Variants in BTN2A1 observed in about 807,000 individuals in gnomAD.
BTN2A1 encodes the protein butyrophilin subfamily 2 member A1.
BTN2A1 carries 41 observed loss-of-function variants against 34.5 expected under a neutral mutation model. That is an observed-to-expected ratio of 1.19 (90% CI 0.93 to 1.54). The LOEUF (loss-of-function observed/expected upper bound fraction) is 1.54. BTN2A1 is among the 40% of genes most tolerant of loss of function. BTN2A1 has a pLI of 0.00. For synonymous variants in BTN2A1, 267 were observed against 258.6 expected, an observed-to-expected ratio of 1.03 and a Z score of -0.31; for missense variants, 642 against 662.0, an observed-to-expected ratio of 0.97 and a Z score of 0.33.
In BTN2A1 at chr6:26,468,252, G is replaced by A. The variant is rs759513537; in HGVS notation, c.1287G>A (p.Gly429=). ...TCTGGACCTTGGAGATGCATAAAGG[G>A]CAATACCGGGCCGTGTCCTCCCCTG... ...NGFWTLEMHK[G]QYRAVSSPDR... The change falls in exon 8 of 8, where the codon GGG becomes GGA. Residue 429 remains glycine, a synonymous_variant. Transcript: ENST00000312541. 1.2e-6 allele frequency: 2 copies of A among 1,614,176 alleles called. No homozygotes were observed. The highest frequency in any genetic ancestry group is 1.7e-6 in the Non-Finnish European group (2 of 1,180,034).
At chr6:26,462,898 G>T (rs1763203181) in intron 3 of BTN2A1, 2 of 1,274,432 alleles carry the variant, frequency 1.6e-6, no homozygotes, top group East Asian at 1.1e-4. Flanking sequence ...CCATCTCAAA[G>T]TGAGAAAATT....
At chr6:26,470,709 C>G (rs1763434786), downstream of BTN2A1, among the ~76,000 whole-genome samples, 1 of 152,144 alleles carries the variant, frequency 6.6e-6, no homozygotes, top group Admixed American at 6.5e-5. Flanking sequence ...TCTTCTCTTG[C>G]TCTTCAATAT....
Position 26,469,275 on chromosome 6 carries a change from C to T in BTN2A1, c.*726C>T. ...GTGTGGCTGAAATTTGAGGTCCTGG[C>T]TGAGCCAAGGAGTAATGGACCAGAT... On this transcript the variant is annotated 3_prime_UTR_variant, in exon 8 of 8. Coordinates refer to ENST00000312541, the MANE Select transcript of BTN2A1 (RefSeq NM_007049.5). The T allele has an allele frequency of 2.0e-6, 2 of 995,316 alleles. No homozygotes were observed. Among genetic ancestry groups the T allele is most frequent in the East Asian group, 1.1e-4 (1 of 9,036 alleles). The allele number at this position is 995,316 out of a possible 1,614,324, so 61.7% of individuals were successfully genotyped here.
Position 26,459,627 on chromosome 6 carries a change from G to T in BTN2A1, c.229G>T (p.Val77Leu). 1 of 1,614,154 alleles carries T rather than the reference G, an allele frequency of 6.2e-7. No homozygotes were observed. The highest frequency in any genetic ancestry group is 8.5e-7 in the Non-Finnish European group (1 of 1,180,018). The change falls in exon 3 of 8, where the codon GTG becomes TTG. Residue 77 changes from valine (V) to leucine (L), a missense_variant. Val to Leu is a conservative substitution (Grantham distance 32). Transcript: ENST00000312541. ...GTCTCAGTTCTCCCCCGCAGTGTTT[G>T]TGTATAAAGGTGGCAGAGAGAGAAC... The part of the protein sequence containing the change: ...FRSQFSPAVF[V>L]YKGGRERTEE...
chr6:26,462,630 G>A (rs1201152275), intron 3 of BTN2A1, among the ~76,000 whole-genome samples: 1 of 152,216 alleles, frequency 6.6e-6, no homozygotes. Context: ...TGGATTTGCA[G>A]GCTAGATCTG....
downstream of BTN2A1, among the ~76,000 whole-genome samples, chr6:26,471,649 A>AGAAGGAAGGAAGGAAAGGAAG (rs1195545262): frequency 1.4e-5 from 2 of 148,092 alleles, no homozygotes; most frequent in Middle Eastern, 3.4e-3. Flanking sequence ...GAAAAGAGAG[A>AGAAGGAAGGAAGGAAAGGAAG]GAAGGAAGGA....
rs1277780026 is a variant in BTN2A1 at position 26,463,518 on chromosome 6, T to C, written c.705T>C (p.Phe235=). Residue 235 remains phenylalanine, a synonymous_variant, in exon 4 of 8, where the codon TTT becomes TTC. Transcript: ENST00000312541. ...GCCAGAAGAAAGAAAGTGTCATTTTTATTCCAGGTTAGTTCTCTGCCCTCT... is the reference window on the plus strand; with the variant it reads ...GCCAGAAGAAAGAAAGTGTCATTTTCATTCCAGGTTAGTTCTCTGCCCTCT... ...LLGQKKESVI[F]IPESFMPSVS... is the part of the protein sequence containing the mutation. 1 of 1,613,524 alleles carries C rather than the reference T, an allele frequency of 6.2e-7. No individual in the cohort carries two copies. Among genetic ancestry groups the C allele is most frequent in the Admixed American group, 1.7e-5 (1 of 60,032 alleles).
At chr6:26,463,748 TTTGTTGTTG>T (rs144703894) in intron 4 of BTN2A1, among the ~76,000 whole-genome samples, 720 of 150,936 alleles carry the variant, frequency 4.8e-3, no homozygotes, top group African/African-American at 6.6e-3. Context: ...TAAACCTGTT[TTTGTTGTTG>T]TTGTTGTTGT....
intron 5 of BTN2A1, 76 bp from the exon 6 acceptor site, chr6:26,465,877 C>A: frequency 6.2e-7 from 1 of 1,607,944 alleles, no homozygotes; most frequent in South Asian, 1.1e-5. Flanking sequence ...AAGGACGGTT[C>A]CTGCATTGTT....
At chr6:26,466,732 A>G (rs1763326259) in intron 7 of BTN2A1, among the ~76,000 whole-genome samples, 1 of 152,232 alleles carries the variant, frequency 6.6e-6, no homozygotes, top group African/African-American at 2.4e-5. Context: ...ACCAGATACC[A>G]TGGCACATGG....
At chr6:26,474,895 T>A (rs1763512678) in intron 7 of BTN2A1, among the ~76,000 whole-genome samples, 1 of 151,812 alleles carries the variant, frequency 6.6e-6, no homozygotes, top group Non-Finnish European at 1.5e-5. Context: ...AATACAGGCA[T>A]ACGCCACCAC....
downstream of BTN2A1, among the ~76,000 whole-genome samples, chr6:26,474,209 G>T (rs1157522947): frequency 6.6e-6 from 1 of 152,144 alleles, no homozygotes; most frequent in Admixed American, 6.5e-5. Context: ...GTAACAAATA[G>T]CTGAGTCTCA....
rs200867396 is a variant in BTN2A1 at position 26,459,613 on chromosome 6, C to A, written c.215C>A (p.Ser72Tyr). 33 of 1,613,834 alleles carry A rather than the reference C, an allele frequency of 2.0e-5. No homozygotes were observed. The highest frequency in any genetic ancestry group is 2.6e-5 in the Non-Finnish European group (31 of 1,179,994). ...MEVRWFRSQF[S>Y]PAVFVYKGGR... ...GTGCGGTGGTTCCGGTCTCAGTTCT[C>A]CCCCGCAGTGTTTGTGTATAAAGGT... Residue 72 changes from serine to tyrosine, a missense_variant, in exon 3 of 8, where the codon TCC becomes TAC. By Grantham distance (144) the Ser-to-Tyr change is moderately radical. Coordinates refer to ENST00000312541, the MANE Select transcript of BTN2A1 (RefSeq NM_007049.5).
chr6:26,476,156 CTT>C, exon 8 of BTN2A1: 2 of 1,536,462 alleles, frequency 1.3e-6, no homozygotes, highest in Non-Finnish European at 1.7e-6. Flanking sequence ...ATTTACCAAA[CTT>C]AGGGTGGTGA....
At position 26,458,699 on chromosome 6, in the gene BTN2A1, C is replaced by T. The variant is rs771693277; in HGVS notation, c.63C>T (p.Ser21=). 24 of 1,614,054 alleles carry T rather than the reference C, an allele frequency of 1.5e-5. No homozygotes were observed. The highest frequency in any genetic ancestry group is 2.0e-5 in the Non-Finnish European group (24 of 1,180,014). The part of the protein sequence containing the change: ...RPASLLLLLL[S]LCALVSAQFI... The stretch of plus-strand genomic sequence containing the variant: ...CCTCCCTCCTCCTCCTCCTCCTCAG[C>T]CTGTGTGCACTGGTCTCAGGTAGGG... The change falls in exon 2 of 8, where the codon AGC becomes AGT. Residue 21 remains serine, a synonymous_variant. Coordinates refer to ENST00000312541, the MANE Select transcript of BTN2A1 (RefSeq NM_007049.5).
At chr6:26,461,365 C>T (rs929991472) in intron 3 of BTN2A1, among the ~76,000 whole-genome samples, 1 of 152,232 alleles carries the variant, frequency 6.6e-6, no homozygotes, top group Non-Finnish European at 1.5e-5. Flanking sequence ...TTTTGTCATG[C>T]TTGCCTGTAT....
rs186021459 is a variant in BTN2A1, at chr6:26,466,918, G to C, written c.982+830G>C. 2.7e-3 allele frequency among the ~76,000 whole-genome samples: 418 copies of C among 152,284 alleles called. 1 individual carries two copies. The highest frequency in any genetic ancestry group is 9.4e-3 in the African/African-American group (391 of 41,554). On this transcript the variant is annotated intron_variant, in intron 7 of 7. Transcript: ENST00000312541. ...ATGGGAGAGGTCTGCAGAATGCCCG[G>C]AGTCTGGAGCATTTCTTGTACCTAC...
chr6:26,461,261 C>G (rs1022267272), intron 3 of BTN2A1, among the ~76,000 whole-genome samples: 1 of 152,342 alleles, frequency 6.6e-6, no homozygotes, highest in Non-Finnish European at 1.5e-5. Flanking sequence ...TGGCCTTTCC[C>G]ACTCTGAATT....
intron 3 of BTN2A1, 74 bp from the exon 4 acceptor site, chr6:26,463,170 A>G: frequency 2.1e-6 from 3 of 1,461,516 alleles, no homozygotes; most frequent in African/African-American, 1.4e-5. Flanking sequence ...CTAGCTTCAC[A>G]GAAGAGATGC....
Sources: gnomAD v4.1 joint callset for allele counts (sites outside exome capture counted in the v4.1 genomes callset) on GRCh38, gnomAD v4.1.1 for gene constraint, MANE v1.5 for transcripts, NCBI Gene and HGNC (gene_info 2026-07-23, HGNC 2026-07-21) for gene names.